Variants in ANK1 observed in about 807,000 individuals in gnomAD.
ANK1 encodes the protein ankyrin-1.
Under a neutral mutation model 210.4 loss-of-function variants are expected in ANK1, and 51 were observed. The observed-to-expected ratio is 0.24, with a 90% CI of 0.19 to 0.31. The LOEUF (loss-of-function observed/expected upper bound fraction) is 0.31. Ranked by LOEUF, ANK1 falls within the 10% of genes least tolerant of loss-of-function variation. The pLI is 1.00. For synonymous variants in ANK1, 967 were observed against 1,025.9 expected, an observed-to-expected ratio of 0.94 and a Z score of 1.10; for missense variants, 2,051 against 2,504.4, an observed-to-expected ratio of 0.82 and a Z score of 3.86.
At chr8:41,664,377 G>A (rs942318519) in intron 39 of ANK1, 1 of 363,950 alleles carries the variant, frequency 2.7e-6, no homozygotes, top group Non-Finnish European at 5.3e-6. Context: ...GAAGGCTGAG[G>A]CAGGAGGATC....
At chr8:41,698,651 G>A (rs1225872344) in intron 23 of ANK1, among the ~76,000 whole-genome samples, 2 of 152,184 alleles carry the variant, frequency 1.3e-5, no homozygotes, top group Non-Finnish European at 2.9e-5. Flanking sequence ...ATAACTCACA[G>A]CAGTCACAGG....
intron 25 of ANK1, 38 bp from the exon 26 acceptor site, chr8:41,696,625 C>T: frequency 6.2e-7 from 1 of 1,611,058 alleles, no homozygotes; most frequent in Non-Finnish European, 8.5e-7. Flanking sequence ...CTTCTGCATC[C>T]CCTCTCGGAG....
intron 3 of ANK1, among the ~76,000 whole-genome samples, chr8:41,733,622 G>C (rs1334251269): frequency 6.6e-6 from 1 of 152,240 alleles, no homozygotes; most frequent in East Asian, 1.9e-4. Flanking sequence ...CCAGGTCACA[G>C]AGCGTGAAGT....
chr8:41,830,212 C>T lies in ANK1; in HGVS notation c.126+66143G>A, dbSNP rs1806338544. On this transcript the variant is annotated intron_variant, in intron 1 of 42. Transcript: ENST00000265709. ...GCTAGGAGAGACCAATAGATGCCCCCACCCCAGGCTCCTAGACCCATCTCC... is the reference window on the plus strand; with the variant it reads ...GCTAGGAGAGACCAATAGATGCCCCTACCCCAGGCTCCTAGACCCATCTCC... Among the ~76,000 whole-genome samples, 4 of 151,246 alleles carry T rather than the reference C, an allele frequency of 2.6e-5. No homozygotes were observed. In the South Asian group the frequency reaches 8.4e-4, roughly 32 times the overall value.
intron 1 of ANK1, among the ~76,000 whole-genome samples, chr8:41,847,925 T>G (rs1046726874): frequency 6.6e-6 from 1 of 152,096 alleles, no homozygotes. Context: ...TCCCAGCACT[T>G]TGGGAGGCCG....
intron 1 of ANK1, among the ~76,000 whole-genome samples, chr8:41,845,910 C>T (rs1809956873): frequency 6.6e-6 from 1 of 152,200 alleles, no homozygotes; most frequent in Non-Finnish European, 1.5e-5. Context: ...ATCAGGGTCA[C>T]CAAAAGTCCT....
intron 40 of ANK1, among the ~76,000 whole-genome samples, chr8:41,663,084 T>TTGTG (rs199962722): frequency 9.6e-4 from 134 of 140,212 alleles, no homozygotes; most frequent in African/African-American, 3.4e-3. Flanking sequence ...CTGGCTAATT[T>TTGTG]TGTGTGTGTG....
chr8:41,831,561 T>C (rs116752624), intron 1 of ANK1, among the ~76,000 whole-genome samples: 1 of 149,632 alleles, frequency 6.7e-6, no homozygotes, highest in Non-Finnish European at 1.5e-5. Flanking sequence ...GGCAGAAGGA[T>C]TGCTTGAACC....
intron 26 of ANK1, 147 bp downstream of exon 26, chr8:41,696,216 C>T (rs1820890584): frequency 1.1e-6 from 1 of 871,572 alleles, no homozygotes; most frequent in South Asian, 1.5e-5. Flanking sequence ...TAAGCCCTCT[C>T]AGGGCTATGG....
chr8:41,662,626 A>G (rs1256096165), intron 40 of ANK1, among the ~76,000 whole-genome samples: 1 of 152,118 alleles, frequency 6.6e-6, no homozygotes, highest in Non-Finnish European at 1.5e-5. Flanking sequence ...CACCTGTCCA[A>G]ATCTTCAAAC....
intron 1 of ANK1, among the ~76,000 whole-genome samples, chr8:41,884,546 G>A (rs1384580002): frequency 6.6e-6 from 1 of 151,992 alleles, no homozygotes; most frequent in African/African-American, 2.4e-5. Context: ...CTTAAAGGAT[G>A]AGTAGAGGCC....
At chr8:41,698,602 T>G (rs1821770248) in intron 23 of ANK1, among the ~76,000 whole-genome samples, 1 of 152,112 alleles carries the variant, frequency 6.6e-6, no homozygotes, top group Non-Finnish European at 1.5e-5. Flanking sequence ...TTAGATTGCT[T>G]TGCAAAATGT....
chr8:41,861,127 A>G (rs768454970), intron 1 of ANK1, among the ~76,000 whole-genome samples: 2 of 152,154 alleles, frequency 1.3e-5, no homozygotes, highest in Non-Finnish European at 2.9e-5. Context: ...GCGTGCTTGG[A>G]AAAGACAGGC....
Position 41,689,937 on chromosome 8 carries a change from C to G in ANK1, c.4104+290G>C, listed in dbSNP as rs541171629. Among the ~76,000 whole-genome samples, 9 of 152,310 alleles carry G rather than the reference C, an allele frequency of 5.9e-5. No individual in the cohort carries two copies. The South Asian group carries it at 1.9e-3, about 32-fold the overall frequency. On this transcript the variant is annotated intron_variant, in intron 33 of 42. Transcript: ENST00000289734. ...CCTTGTCACTTTCACACCTAGGGAG[C>G]CCAGGGTCCACAGCGTGAATGTGCC...
intron 1 of ANK1, among the ~76,000 whole-genome samples, chr8:41,760,134 G>C (rs563265956): frequency 3.3e-4 from 51 of 152,320 alleles, no homozygotes; most frequent in African/African-American, 1.0e-3. Flanking sequence ...ATGAGTGACA[G>C]CCAGAGAGGG....
At chr8:41,692,336 C>T (rs1040155537) in intron 31 of ANK1, among the ~76,000 whole-genome samples, 23 of 152,234 alleles carry the variant, frequency 1.5e-4, no homozygotes, top group African/African-American at 4.8e-4. Context: ...AGATGAAAGG[C>T]GTGAGCCACT....
At chr8:41,696,866 T>A in intron 24 of ANK1, 93 bp from the exon 25 acceptor site, 1 of 1,238,132 alleles carries the variant, frequency 8.1e-7, no homozygotes, top group Non-Finnish European at 1.1e-6. Flanking sequence ...ACCTTGCCGC[T>A]AGAAACCAGG....
At chr8:41,676,671 T>C (rs141794411) in intron 37 of ANK1, among the ~76,000 whole-genome samples, 1 of 152,314 alleles carries the variant, frequency 6.6e-6, no homozygotes, top group African/African-American at 2.4e-5. Context: ...CTTTAAGGTT[T>C]TTTTCTTATG....
chr8:41,800,826 T>C (rs1849750735), upstream of ANK1, among the ~76,000 whole-genome samples: 1 of 152,158 alleles, frequency 6.6e-6, no homozygotes, highest in Non-Finnish European at 1.5e-5. Flanking sequence ...GCCATCCTCC[T>C]GCCTCATCCT....
Sources: allele counts gnomAD v4.1 joint callset (sites outside exome capture counted in the v4.1 genomes callset), GRCh38; gene constraint gnomAD v4.1.1; transcripts MANE v1.5; gene names NCBI Gene and HGNC (gene_info 2026-07-23, HGNC 2026-07-21).